SSU72: variants seen among roughly 807,000 people sequenced by gnomAD.
The protein encoded by SSU72 is SSU72 homolog, RNA polymerase II CTD phosphatase, also known as RNA polymerase II subunit A C-terminal domain phosphatase SSU72.
Under a neutral mutation model 22.7 loss-of-function variants are expected in SSU72, and 12 were observed. The observed-to-expected ratio is 0.53, with a 90% CI of 0.34 to 0.86. The LOEUF is 0.86. SSU72 is among the 40% of genes least tolerant of loss of function. The probability of loss-of-function intolerance (pLI) is 0.02; values close to 1 mark genes in which losing one functional copy is unlikely to be tolerated. For synonymous variants in SSU72, 116 were observed against 98.3 expected, an observed-to-expected ratio of 1.18 and a Z score of -1.06; for missense variants, 151 against 249.8, an observed-to-expected ratio of 0.60 and a Z score of 2.67.
chr1:1,552,576 C>T (rs749559205), intron 2 of SSU72, among the ~76,000 whole-genome samples: 1 of 152,268 alleles, frequency 6.6e-6, no homozygotes, highest in Admixed American at 6.5e-5. Flanking sequence ...GGGCCATCTG[C>T]CTGCAAGTGA....
intron 2 of SSU72, among the ~76,000 whole-genome samples, chr1:1,549,746 G>A (rs1299164632): frequency 6.6e-6 from 1 of 150,764 alleles, no homozygotes; most frequent in African/African-American, 2.4e-5. Context: ...AGGCCGAGGC[G>A]GGTGGATCAC....
rs563200677 is a variant in SSU72, at chr1:1,567,905, T to A, written c.81-2989A>T. 1.4e-4 allele frequency among the ~76,000 whole-genome samples: 8 copies of A among 55,978 alleles called. No homozygotes were observed. In the East Asian group the frequency reaches 8.3e-3, roughly 58 times the overall value. The allele number at this position is 55,978 out of a possible 152,430, so 36.7% of individuals were successfully genotyped here. ...TCCAGCCTGGGAAACAGAGCGATAC[T>A]CTGTTTCAAAAAAAAAAAAAAAAAT... On this transcript the variant is annotated intron_variant, in intron 1 of 4. Transcript: ENST00000291386.
chr1:1,552,533 G>A (rs746506552), intron 2 of SSU72, among the ~76,000 whole-genome samples: 14 of 150,336 alleles, frequency 9.3e-5, no homozygotes, highest in East Asian at 1.9e-4. Context: ...GATTCCTCCC[G>A]AGCCCCCAGC....
rs149209299 is a variant in SSU72 at position 1,558,741 on chromosome 1, G to C, written c.224+6032C>G. ...TTCCCTGGAGCGGGGGAACTGTCCA[G>C]GCCGGTGTCTGCCACCCCAGCCCTC... On this transcript the variant is annotated intron_variant, in intron 2 of 4. Coordinates refer to ENST00000291386, the MANE Select transcript of SSU72 (RefSeq NM_014188.3). Among the ~76,000 whole-genome samples the C allele has an allele frequency of 1.3e-3, 200 of 152,194 alleles. 2 individuals carry two copies. Among genetic ancestry groups the C allele is most frequent in the Non-Finnish European group, 2.3e-3 (156 of 68,022 alleles).
rs372652984 is a variant in SSU72 at position 1,542,533 on chromosome 1, C to T, written c.484-366G>A. Among the ~76,000 whole-genome samples, 11 of 152,250 alleles carry T rather than the reference C, an allele frequency of 7.2e-5. 1 individual carries two copies. In the South Asian group the frequency reaches 2.3e-3, roughly 32 times the overall value. ...CGCTTCCACACCACCAACAAGCGAG[C>T]GGGGGCAGCCTGGTCATCGGAGCAT... On this transcript the variant is annotated intron_variant, in intron 4 of 4. Transcript: ENST00000291386. This position sits in a 1 kb window ranked among gnomAD's most constrained non-coding sequence, Gnocchi z 4.4.
At chr1:1,547,630 G>A (rs7517401) in intron 2 of SSU72, among the ~76,000 whole-genome samples, 75,115 of 152,168 alleles carry the variant, frequency 0.49, 22,063 homozygotes, top group East Asian at 0.86. Context: ...GCAAAACCAC[G>A]GTGCCAGTGA....
At chr1:1,574,100 C>T (rs1339022944) in intron 1 of SSU72, among the ~76,000 whole-genome samples, 4 of 152,070 alleles carry the variant, frequency 2.6e-5, no homozygotes, top group Non-Finnish European at 4.4e-5. Context: ...TTATTTACAA[C>T]ATCGTGGTAT....
At chr1:1,570,206 A>T (rs1642710357) in intron 1 of SSU72, among the ~76,000 whole-genome samples, 1 of 151,708 alleles carries the variant, frequency 6.6e-6, no homozygotes, top group South Asian at 2.1e-4. Context: ...AGGCAGGAGG[A>T]TCGTTTTAGC....
chr1:1,556,199 A>G (rs540563304), intron 2 of SSU72, among the ~76,000 whole-genome samples: 35 of 152,294 alleles, frequency 2.3e-4, no homozygotes, highest in African/African-American at 7.2e-4. Flanking sequence ...TTGGGAGGCC[A>G]AGGCGGGTGG....
chr1:1,565,737 G>A (rs1333140532), intron 1 of SSU72, among the ~76,000 whole-genome samples: 1 of 152,218 alleles, frequency 6.6e-6, no homozygotes, highest in Non-Finnish European at 1.5e-5. Flanking sequence ...CTTGTTCCTT[G>A]GACTTCCTAG....
chr1:1,547,647 C>T (rs893694929), intron 2 of SSU72, among the ~76,000 whole-genome samples: 3 of 152,202 alleles, frequency 2.0e-5, no homozygotes, highest in Non-Finnish European at 4.4e-5. Flanking sequence ...GTGAGTGCCA[C>T]GAGGCAAAGG....
intron 1 of SSU72, among the ~76,000 whole-genome samples, chr1:1,572,955 A>G (rs1464692504): frequency 1.3e-5 from 2 of 151,820 alleles, no homozygotes; most frequent in Non-Finnish European, 2.9e-5. Context: ...TTATAAATGA[A>G]GATCCAGCAC....
At chr1:1,573,545 C>T (rs1466562977) in intron 1 of SSU72, among the ~76,000 whole-genome samples, 1 of 151,798 alleles carries the variant, frequency 6.6e-6, no homozygotes, top group Admixed American at 6.6e-5. Flanking sequence ...CAACTCCTGA[C>T]TTCAGGTGAT....
In SSU72 at chr1:1,574,763, G is replaced by T. The variant is rs530334036; in HGVS notation, c.-206C>A. ...GGACGGAGCGCAGGCACTGGCCTTC[G>T]GGCGCGCTGCACTCGGCGAGGCCGG... On this transcript the variant is annotated 5_prime_UTR_variant, in exon 1 of 5. Transcript: ENST00000291386. 3 of 289,480 alleles carry T rather than the reference G, an allele frequency of 1.0e-5. No individual in the cohort carries two copies. The highest frequency in any genetic ancestry group is 2.3e-5 in the African/African-American group (1 of 44,180). 17.9% of individuals were successfully genotyped at this position (289,480 alleles called of 1,614,324 possible).
At chr1:1,565,238 T>A (rs1332290036) in intron 1 of SSU72, among the ~76,000 whole-genome samples, 1 of 152,078 alleles carries the variant, frequency 6.6e-6, no homozygotes, top group Non-Finnish European at 1.5e-5. Context: ...CCGGGCGCGG[T>A]GGCGGGCACC....
chr1:1,545,910 T>C (rs1642383320), intron 2 of SSU72: 1 of 152,370 alleles, frequency 6.6e-6, no homozygotes, highest in South Asian at 2.1e-4. Flanking sequence ...GAGGGCAGGA[T>C]GAGGCCTGAA....
At chr1:1,557,655 C>T (rs1256637051) in intron 2 of SSU72, among the ~76,000 whole-genome samples, 1 of 148,932 alleles carries the variant, frequency 6.7e-6, no homozygotes, top group Non-Finnish European at 1.5e-5. Context: ...ATTAGCCAGG[C>T]GTGGTGGTAC....
rs1057139026 is a variant in SSU72, at chr1:1,568,477, G to A, written c.81-3561C>T. Reference sequence around the variant, plus strand: ...AAAAAAGCCAGGCGTGGTGGTGCGCGCCTGTAATCCCAGTTACTCCGGAGG... The same window carrying A: ...AAAAAAGCCAGGCGTGGTGGTGCGCACCTGTAATCCCAGTTACTCCGGAGG... On this transcript the variant is annotated intron_variant, in intron 1 of 4. Coordinates refer to ENST00000291386, the MANE Select transcript of SSU72 (RefSeq NM_014188.3). Among the ~76,000 whole-genome samples, 9 of 152,078 alleles carry A rather than the reference G, an allele frequency of 5.9e-5. No individual in the cohort carries two copies. In the South Asian group the frequency reaches 1.5e-3, roughly 25 times the overall value.
chr1:1,547,757 G>T (rs1642409741), intron 2 of SSU72, among the ~76,000 whole-genome samples: 1 of 152,222 alleles, frequency 6.6e-6, no homozygotes, highest in South Asian at 2.1e-4. Flanking sequence ...TTTCGGGCCT[G>T]CGTGCGAGAG....
Sources: allele counts gnomAD v4.1 joint callset (sites outside exome capture counted in the v4.1 genomes callset), GRCh38; gene constraint gnomAD v4.1.1; non-coding constraint Gnocchi (gnomAD v3.1); transcripts MANE v1.5; gene names NCBI Gene and HGNC (gene_info 2026-07-23, HGNC 2026-07-21).